Variants in DNAJB14 observed in about 807,000 individuals in gnomAD.
DNAJB14 encodes dnaJ homolog subfamily B member 14.
In DNAJB14, 22 loss-of-function variants were observed where a neutral mutation model predicts 48.4. That is an observed-to-expected ratio of 0.45 (90% CI 0.32 to 0.65). The LOEUF (loss-of-function observed/expected upper bound fraction) is 0.65, where lower values mean the gene tolerates loss of function less well. DNAJB14 is among the 30% of genes least tolerant of loss of function. The pLI is 0.03. For missense variants in DNAJB14, 319 were observed against 458.8 expected (o/e 0.70, Z 2.78); for synonymous variants, 142 against 158.7 (o/e 0.89, Z 0.79).
intron 1 of DNAJB14, among the ~76,000 whole-genome samples, chr4:99,941,474 A>G (rs961132027): frequency 2.6e-5 from 4 of 152,192 alleles, no homozygotes; most frequent in African/African-American, 9.6e-5. Context: ...AGCACTTAAG[A>G]TAATAAAATA....
At chr4:99,912,487 T>G (rs1459089005) in intron 3 of DNAJB14, among the ~76,000 whole-genome samples, 1 of 152,206 alleles carries the variant, frequency 6.6e-6, no homozygotes, top group African/African-American at 2.4e-5. Flanking sequence ...CTTGACTTTT[T>G]TTTTTTTTTA....
intron 3 of DNAJB14, among the ~76,000 whole-genome samples, chr4:99,922,218 G>A (rs540645717): frequency 6.6e-6 from 1 of 152,212 alleles, no homozygotes; most frequent in South Asian, 2.1e-4. Flanking sequence ...AATCTTAACG[G>A]TATTTTCATG....
intron 5 of DNAJB14, 119 bp downstream of exon 5, chr4:99,906,398 C>T: frequency 2.8e-6 from 3 of 1,053,494 alleles, no homozygotes; most frequent in Non-Finnish European, 4.1e-6. Context: ...CTCTACCAAA[C>T]ACCTCTAGTA....
Position 99,930,446 on chromosome 4 carries a change from C to T in DNAJB14, c.305+4G>A. On this transcript the variant is annotated splice_donor_region_variant and intron_variant, in intron 2 of 7. Coordinates refer to ENST00000442697, the MANE Select transcript of DNAJB14 (RefSeq NM_001031723.4). ...ATTGAGATGTAAACCATATTTATTC[C>T]TACCTGAGAACTCCATCTACTTGGT... The T allele has an allele frequency of 6.3e-7, 1 of 1,584,778 alleles. No individual in the cohort carries two copies. The highest frequency in any genetic ancestry group is 8.6e-7 in the Non-Finnish European group (1 of 1,166,686).
intron 7 of DNAJB14, among the ~76,000 whole-genome samples, chr4:99,903,391 CAT>C (rs1199566446): frequency 6.6e-6 from 1 of 151,388 alleles, no homozygotes; most frequent in Admixed American, 6.6e-5. Context: ...AAATTGATGA[CAT>C]AGTTTATCTG....
chr4:99,903,861 A>G lies in DNAJB14; in HGVS notation c.880T>C (p.Leu294=). Residue 294 remains leucine (L), a synonymous_variant, in exon 7 of 8, where the codon TTG becomes CTG. Transcript: ENST00000442697. ...TTGTTGACATAATAAACAACACCCA[A>G]GTTTTCTGTTTGCATTTTAATAGTT... ...GQTIKMQTEN[L]GVVYYVNKDF... 6.2e-7 allele frequency: 1 copy of G among 1,612,466 alleles called. No individual in the cohort carries two copies.
intron 3 of DNAJB14, among the ~76,000 whole-genome samples, chr4:99,914,280 T>C (rs1478971814): frequency 2.6e-5 from 4 of 152,134 alleles, no homozygotes; most frequent in Admixed American, 6.5e-5. Context: ...ATTAAGAAAA[T>C]GTGGCACATA....
At chr4:99,931,477 A>G (rs1726464785) in intron 1 of DNAJB14, among the ~76,000 whole-genome samples, 1 of 152,128 alleles carries the variant, frequency 6.6e-6, no homozygotes, top group Non-Finnish European at 1.5e-5. Flanking sequence ...AAAACTAAAC[A>G]TAAAAAACAT....
chr4:99,911,579 T>A (rs1349700390), intron 3 of DNAJB14, among the ~76,000 whole-genome samples: 2 of 152,206 alleles, frequency 1.3e-5, no homozygotes, highest in Admixed American at 6.5e-5. Context: ...CTCTAGCCAT[T>A]CTGATAAATG....
intron 1 of DNAJB14, among the ~76,000 whole-genome samples, chr4:99,939,416 A>G (rs1726810759): frequency 6.6e-6 from 1 of 152,210 alleles, no homozygotes; most frequent in Admixed American, 6.5e-5. Flanking sequence ...CGTGGCCACG[A>G]AGACCCACTG....
At chr4:99,923,628 G>T in intron 2 of DNAJB14, 1 of 984,176 alleles carries the variant, frequency 1.0e-6, no homozygotes, top group Non-Finnish European at 1.2e-6. Flanking sequence ...GCATAATGTA[G>T]ATCTAACCAA....
At chr4:99,920,105 T>C (rs1367492864) in intron 3 of DNAJB14, among the ~76,000 whole-genome samples, 2 of 152,182 alleles carry the variant, frequency 1.3e-5, no homozygotes, top group Non-Finnish European at 2.9e-5. Context: ...ATGACACTGG[T>C]CTCTTAACTA....
Position 99,901,015 on chromosome 4 carries a change from T to C in DNAJB14, c.*13A>G. 2 of 1,601,244 alleles carry C rather than the reference T, an allele frequency of 1.2e-6. No homozygotes were observed. The highest frequency in any genetic ancestry group is 1.7e-6 in the Non-Finnish European group (2 of 1,176,598). ...TAAAGAGTACGCTAAAAGGTATAAA[T>C]AAAAATTCCAGTTCATCCTCCTTTA... is the stretch of plus-strand genomic sequence containing the variant. On this transcript the variant is annotated 3_prime_UTR_variant, in exon 8 of 8. Coordinates refer to ENST00000442697, the MANE Select transcript of DNAJB14 (RefSeq NM_001031723.4).
chr4:99,946,387 T>C (rs1164733485), intron 1 of DNAJB14, 52 bp downstream of exon 1: 6 of 1,564,558 alleles, frequency 3.8e-6, no homozygotes, highest in Non-Finnish European at 5.2e-6. Flanking sequence ...AGGGGCGGGC[T>C]ACGCGGTGGT....
At chr4:99,931,347 T>A (rs1447978415) in intron 1 of DNAJB14, among the ~76,000 whole-genome samples, 1 of 152,092 alleles carries the variant, frequency 6.6e-6, no homozygotes, top group Non-Finnish European at 1.5e-5. Flanking sequence ...AGAAAGAATG[T>A]GAATGAAATA....
At chr4:99,907,970 C>T (rs1725525741) in intron 4 of DNAJB14, among the ~76,000 whole-genome samples, 1 of 152,176 alleles carries the variant, frequency 6.6e-6, no homozygotes, top group Admixed American at 6.6e-5. Flanking sequence ...ACATGATGTA[C>T]TATATGCCTT....
At chr4:99,930,759 G>T (rs912805739) in intron 1 of DNAJB14, 138 bp from the exon 2 acceptor site, 1 of 834,786 alleles carries the variant, frequency 1.2e-6, no homozygotes, top group Non-Finnish European at 1.8e-6. Flanking sequence ...TAATTAGCAC[G>T]CATTCCCCTA....
At chr4:99,926,903 G>C (rs184550188) in intron 2 of DNAJB14, 2 of 152,254 alleles carry the variant, frequency 1.3e-5, no homozygotes, top group Admixed American at 1.3e-4. Context: ...TGGACAGCCT[G>C]AAGACTATGT....
At chr4:99,933,174 G>GTA (rs139895470) in intron 1 of DNAJB14, among the ~76,000 whole-genome samples, 6,894 of 151,038 alleles carry the variant, frequency 0.046, 217 homozygotes, top group Middle Eastern at 0.12. Flanking sequence ...AATAAAGCAT[G>GTA]TATATATATA....
Sources: allele counts gnomAD v4.1 joint callset (sites outside exome capture counted in the v4.1 genomes callset), GRCh38; gene constraint gnomAD v4.1.1; transcripts MANE v1.5; gene names NCBI Gene and HGNC (gene_info 2026-07-23, HGNC 2026-07-21).